The following SPATA6 variants were observed in gnomAD, a reference collection of about 807,000 sequenced individuals.
The protein encoded by SPATA6 is spermatogenesis-associated protein 6.
SPATA6 carries 56 observed loss-of-function variants against 65.3 expected under a neutral mutation model. The observed-to-expected ratio is 0.86, with a 90% CI of 0.69 to 1.07. The LOEUF is 1.07. SPATA6 is among the 50% of genes least tolerant of loss of function. The pLI, the probability that SPATA6 is intolerant of heterozygous loss-of-function variation, is 0.00. For missense variants in SPATA6, 590 were observed against 594.8 expected, an observed-to-expected ratio of 0.99 and a Z score of 0.08; for synonymous variants, 199 against 213.2, an observed-to-expected ratio of 0.93 and a Z score of 0.58.
chr1:48,283,508 A>C, the SPATA6 span, among the ~76,000 whole-genome samples: 1 of 150,634 alleles, frequency 6.6e-6, no homozygotes, highest in Non-Finnish European at 1.5e-5. Flanking sequence ...GTGAATCCTC[A>C]TCTCTACTAA....
chr1:48,343,131 G>C (rs1646265770), intron 11 of SPATA6, among the ~76,000 whole-genome samples: 1 of 152,100 alleles, frequency 6.6e-6, no homozygotes, highest in Admixed American at 6.6e-5. Flanking sequence ...AATTGGGAGA[G>C]GTTTTTGATT....
downstream of SPATA6, among the ~76,000 whole-genome samples, chr1:48,291,691 C>T (rs1485998338): frequency 1.3e-5 from 2 of 152,316 alleles, no homozygotes; most frequent in South Asian, 4.1e-4. Flanking sequence ...AGAAAGCAAG[C>T]GGACTCACAG....
At chr1:48,373,165 T>G (rs1274010497) in intron 9 of SPATA6, among the ~76,000 whole-genome samples, 1 of 152,244 alleles carries the variant, frequency 6.6e-6, no homozygotes. Context: ...TTTCCAAACT[T>G]TTATGCTCTG....
At chr1:48,313,264 G>C (rs543124898) in intron 11 of SPATA6, among the ~76,000 whole-genome samples, 1 of 152,172 alleles carries the variant, frequency 6.6e-6, no homozygotes, top group Non-Finnish European at 1.5e-5. Flanking sequence ...AAGTTTAAAT[G>C]AAGGCAAAAA....
intron 11 of SPATA6, among the ~76,000 whole-genome samples, chr1:48,319,329 C>G (rs1432798067): frequency 6.6e-6 from 1 of 152,112 alleles, no homozygotes; most frequent in Non-Finnish European, 1.5e-5. Flanking sequence ...AGACAAACCA[C>G]AAACATAAGA....
intron 11 of SPATA6, among the ~76,000 whole-genome samples, chr1:48,311,197 A>C (rs988372288): frequency 4.6e-5 from 7 of 152,170 alleles, no homozygotes; most frequent in Non-Finnish European, 1.0e-4. Context: ...CAAAACAAGT[A>C]AAATACAAAC....
intron 3 of SPATA6, chr1:48,435,942 T>G (rs1371277422): frequency 1.3e-6 from 2 of 1,584,240 alleles, no homozygotes; most frequent in East Asian, 4.5e-5. Context: ...TTTTTGTCAC[T>G]TTCTGTGTGA....
At chr1:48,309,806 T>G (rs935354222) in intron 11 of SPATA6, among the ~76,000 whole-genome samples, 7 of 152,208 alleles carry the variant, frequency 4.6e-5, no homozygotes, top group Non-Finnish European at 1.0e-4. Flanking sequence ...AGTCATCAAG[T>G]AATGATTGGA....
chr1:48,401,276 A>G lies in SPATA6; in HGVS notation c.487-1632T>C, dbSNP rs193269119. Among the ~76,000 whole-genome samples, 5 of 152,154 alleles carry G rather than the reference A, an allele frequency of 3.3e-5. No homozygotes were observed. The East Asian group carries it at 9.7e-4, about 29-fold the overall frequency. ...ATCATCCATTTCAGCAATGCTGTAA[A>G]GTTCTTTCTTATATATATACCTCTG... On this transcript the variant is annotated intron_variant, in intron 6 of 12. Transcript: ENST00000371847.
At chr1:48,280,616 T>C in the SPATA6 span, among the ~76,000 whole-genome samples, 1 of 152,054 alleles carries the variant, frequency 6.6e-6, no homozygotes, top group Admixed American at 6.6e-5. Context: ...ACATACACCC[T>C]CCCAAGATTA....
chr1:48,317,687 AAACTT>A (rs1645479521), intron 11 of SPATA6, among the ~76,000 whole-genome samples: 1 of 152,136 alleles, frequency 6.6e-6, no homozygotes, highest in Non-Finnish European at 1.5e-5. Context: ...AAAAAATAAA[AAACTT>A]AACACAAAGA....
At chr1:48,389,805 A>G (rs953509878) in intron 8 of SPATA6, among the ~76,000 whole-genome samples, 1 of 152,228 alleles carries the variant, frequency 6.6e-6, no homozygotes, top group Non-Finnish European at 1.5e-5. Context: ...ACCTGAAAGC[A>G]AAAGAATGAC....
chr1:48,280,628 A>T, the SPATA6 span, among the ~76,000 whole-genome samples: 1 of 152,198 alleles, frequency 6.6e-6, no homozygotes, highest in Non-Finnish European at 1.5e-5. Flanking sequence ...CCAAGATTAA[A>T]CCAGGAAGAA....
chr1:48,449,958 G>A (rs989184963), intron 3 of SPATA6, among the ~76,000 whole-genome samples: 3 of 152,106 alleles, frequency 2.0e-5, no homozygotes, highest in Admixed American at 1.3e-4. Flanking sequence ...ATTGAAGCTG[G>A]GTGACAGATA....
chr1:48,370,856 G>A (rs1207173785), intron 9 of SPATA6, among the ~76,000 whole-genome samples: 1 of 152,092 alleles, frequency 6.6e-6, no homozygotes, highest in Admixed American at 6.6e-5. Context: ...ATTTCTACAA[G>A]GAAAGTCCCA....
chr1:48,288,127 T>C, the SPATA6 span, among the ~76,000 whole-genome samples: 68,746 of 152,098 alleles, frequency 0.45, 16,691 homozygotes, highest in Middle Eastern at 0.56. Flanking sequence ...TGCTGAACCA[T>C]CCTTGCATCC....
chr1:48,287,037 C>CAAAA, the SPATA6 span, among the ~76,000 whole-genome samples: 660 of 113,108 alleles, frequency 5.8e-3, 22 homozygotes, highest in East Asian at 0.094. Context: ...TAGACTGTCT[C>CAAAA]AAAAAAAAAA....
intron 2 of SPATA6, among the ~76,000 whole-genome samples, chr1:48,452,673 C>T (rs532399009): frequency 5.9e-5 from 9 of 152,234 alleles, no homozygotes; most frequent in South Asian, 2.1e-4. Context: ...CATGAGCCAC[C>T]GCACACGGCT....
intron 7 of SPATA6, among the ~76,000 whole-genome samples, chr1:48,397,778 G>A (rs1185852825): frequency 1.3e-5 from 2 of 151,574 alleles, no homozygotes; most frequent in Non-Finnish European, 3.0e-5. Flanking sequence ...TATAGACTTA[G>A]GAGTAGGCAT....
Sources: allele counts gnomAD v4.1 joint callset (sites outside exome capture counted in the v4.1 genomes callset), GRCh38; gene constraint gnomAD v4.1.1; transcripts MANE v1.5; gene names NCBI Gene and HGNC (gene_info 2026-07-23, HGNC 2026-07-21).